The following RICTOR variants were observed in gnomAD, a reference collection of about 807,000 sequenced individuals.
RICTOR encodes rapamycin-insensitive companion of mTOR.
A neutral mutation model predicts 214.9 loss-of-function variants in RICTOR; 49 were observed. That is an observed-to-expected ratio of 0.23 (90% CI 0.18 to 0.29). RICTOR has a LOEUF of 0.29. Ranked by LOEUF, RICTOR falls within the 10% of genes least tolerant of loss-of-function variation. The pLI is 1.00. For synonymous variants in RICTOR, 717 were observed against 711.3 expected (o/e 1.01, Z -0.13); for missense variants, 1,625 against 2,047.0 (o/e 0.79, Z 3.98).
chr5:39,034,103 C>G (rs747686841), intron 2 of RICTOR, among the ~76,000 whole-genome samples: 16 of 152,122 alleles, frequency 1.1e-4, no homozygotes, highest in Admixed American at 2.0e-4. Context: ...CATTCTGTAC[C>G]TTTGGATAAG....
chr5:39,063,618 T>C (rs948925555), intron 2 of RICTOR, among the ~76,000 whole-genome samples: 3 of 152,150 alleles, frequency 2.0e-5, no homozygotes, highest in Non-Finnish European at 4.4e-5. Flanking sequence ...ACAAAGATAA[T>C]TGGCATATGC....
rs1750082538 is a variant in RICTOR at position 38,964,835 on chromosome 5, T to C, written c.1357A>G (p.Met453Val). The C allele has an allele frequency of 6.2e-7, 1 of 1,608,712 alleles. No individual in the cohort carries two copies. Among genetic ancestry groups the C allele is most frequent in the Non-Finnish European group, 8.5e-7 (1 of 1,176,128 alleles). The change falls in exon 16 of 38, where the codon ATG (methionine) becomes GTG (valine). Residue 453 changes from methionine to valine, a missense_variant. Coordinates refer to ENST00000357387, the MANE Select transcript of RICTOR (RefSeq NM_152756.5). ...ATATCAAAGGATGCAGCCATATTCA[T>C]TAGGGTTGGCAAGCAGTGTAAATGA... is the stretch of plus-strand genomic sequence containing the variant. ...SHHLHCLPTLMNMAASFDIPK... is the reference protein window; with the variant it reads ...SHHLHCLPTLVNMAASFDIPK...
chr5:38,947,859 T>TA (rs1228533157), intron 31 of RICTOR, among the ~76,000 whole-genome samples: 2 of 152,100 alleles, frequency 1.3e-5, no homozygotes, highest in Non-Finnish European at 2.9e-5. Flanking sequence ...ATTATATTTA[T>TA]AAAAAATGAG....
At chr5:39,053,532 A>G (rs913050936) in intron 2 of RICTOR, among the ~76,000 whole-genome samples, 1 of 152,250 alleles carries the variant, frequency 6.6e-6, no homozygotes, top group Non-Finnish European at 1.5e-5. Context: ...TTTAGGATCT[A>G]GCACAGTGCC....
At chr5:39,024,641 T>G (rs959906989) in intron 2 of RICTOR, among the ~76,000 whole-genome samples, 9 of 152,192 alleles carry the variant, frequency 5.9e-5, no homozygotes, top group Non-Finnish European at 1.2e-4. Context: ...AATCTAAACA[T>G]TTTACTTCAG....
chr5:39,018,723 C>T (rs1355052661), intron 3 of RICTOR, among the ~76,000 whole-genome samples: 1 of 152,020 alleles, frequency 6.6e-6, no homozygotes, highest in East Asian at 1.9e-4. Flanking sequence ...CTCCTTGGGC[C>T]TATTTCCTGA....
chr5:38,939,648 G>T lies in RICTOR; in HGVS notation c.*2656C>A, dbSNP rs997820121. ...TTCACTTTACGATTAGAAATTCATA[G>T]TTTACAACCAGCACAACTGCCCAGA... On this transcript the variant is annotated 3_prime_UTR_variant, in exon 38 of 38. Coordinates refer to ENST00000357387, the MANE Select transcript of RICTOR (RefSeq NM_152756.5). 9 of 230,490 alleles carry T rather than the reference G, an allele frequency of 3.9e-5. No individual in the cohort carries two copies. Among genetic ancestry groups the T allele is most frequent in the African/African-American group, 6.6e-5 (3 of 45,158 alleles). 14.3% of individuals were successfully genotyped at this position (230,490 alleles called of 1,614,324 possible).
intron 2 of RICTOR, 38 bp from the exon 3 acceptor site, chr5:39,021,174 G>A (rs2150136058): frequency 9.0e-7 from 1 of 1,116,456 alleles, no homozygotes; most frequent in South Asian, 1.2e-5. Context: ...ACAATTTTAT[G>A]AGTATTTTCC....
chr5:38,950,191 A>G lies in RICTOR; in HGVS notation c.3657T>C (p.Ser1219=). 1 of 1,613,350 alleles carries G rather than the reference A, an allele frequency of 6.2e-7. No individual in the cohort carries two copies. Among genetic ancestry groups the G allele is most frequent in the South Asian group, 1.1e-5 (1 of 91,054 alleles). Residue 1219 remains serine, a synonymous_variant, in exon 31 of 38, where the codon AGT becomes AGC. Coordinates refer to ENST00000357387, the MANE Select transcript of RICTOR (RefSeq NM_152756.5). The part of the protein sequence containing the change: ...TSSHMKIRSQ[S]FNTDTTTSGI... ...CACTTGTTGTAGTGTCTGTATTGAA[A>G]CTTTGGCTACGTATCTTCATATGTG...
In RICTOR at chr5:38,959,975, C is replaced by T; in HGVS notation, c.1855G>A (p.Gly619Arg). Reference sequence around the variant, plus strand: ...ACTAGATCTTCTAAGTAGCCTTGCCCATCCTAAAAGTAAATACATTGTGAT... The same window carrying T: ...ACTAGATCTTCTAAGTAGCCTTGCCTATCCTAAAAGTAAATACATTGTGAT... ...TEFLLESEED[G>R]QGYLEDLVKD... The change falls in exon 21 of 38, where the codon GGG (glycine) becomes AGG (arginine). Residue 619 changes from glycine to arginine, a missense_variant. Coordinates refer to ENST00000357387, the MANE Select transcript of RICTOR (RefSeq NM_152756.5). 6.3e-7 allele frequency: 1 copy of T among 1,598,902 alleles called. No homozygotes were observed. The highest frequency in any genetic ancestry group is 8.6e-7 in the Non-Finnish European group (1 of 1,166,832).
intron 2 of RICTOR, among the ~76,000 whole-genome samples, chr5:39,064,615 C>A (rs1173912767): frequency 6.6e-6 from 1 of 152,174 alleles, no homozygotes; most frequent in African/African-American, 2.4e-5. Flanking sequence ...GTGCTTTTCG[C>A]AGTCTTATTC....
intron 3 of RICTOR, among the ~76,000 whole-genome samples, chr5:39,009,324 C>A (rs1754312334): frequency 6.6e-6 from 1 of 152,044 alleles, no homozygotes; most frequent in African/African-American, 2.4e-5. Flanking sequence ...CTAGAGTTAG[C>A]AGTTTTAGTG....
intron 6 of RICTOR, among the ~76,000 whole-genome samples, chr5:38,993,806 A>G (rs1270254104): frequency 2.0e-5 from 3 of 152,176 alleles, no homozygotes; most frequent in Admixed American, 2.0e-4. Context: ...AGCCAGAAGT[A>G]GAAAATTCAG....
At chr5:38,968,980 T>G (rs1579948423) in intron 11 of RICTOR, among the ~76,000 whole-genome samples, 1 of 145,928 alleles carries the variant, frequency 6.9e-6, no homozygotes, top group South Asian at 2.2e-4. Context: ...TTTTTTTTTT[T>G]TTTTTTTTTT....
At chr5:39,021,542 G>A (rs933490471) in intron 2 of RICTOR, among the ~76,000 whole-genome samples, 1 of 152,146 alleles carries the variant, frequency 6.6e-6, no homozygotes, top group Admixed American at 6.6e-5. Flanking sequence ...GTTAGCATGA[G>A]AGTGAGTTTG....
chr5:38,956,970 G>C (rs543251860), intron 25 of RICTOR, among the ~76,000 whole-genome samples: 1 of 152,154 alleles, frequency 6.6e-6, no homozygotes, highest in Admixed American at 6.6e-5. Context: ...ACAAAAAAGA[G>C]AAAACAGGAT....
chr5:39,017,482 C>A (rs1055678967), intron 3 of RICTOR, among the ~76,000 whole-genome samples: 3 of 152,020 alleles, frequency 2.0e-5, no homozygotes, highest in Non-Finnish European at 4.4e-5. Context: ...CTACAAAATA[C>A]ATGCCCATAC....
At chr5:39,008,590 T>C (rs137870979) in intron 3 of RICTOR, among the ~76,000 whole-genome samples, 333 of 152,208 alleles carry the variant, frequency 2.2e-3, no homozygotes, top group African/African-American at 7.7e-3. Context: ...ATTACCATCT[T>C]ATTTCATTTC....
rs1421185361 is a variant in RICTOR at position 38,964,774 on chromosome 5, T to G, written c.1400+18A>C. On this transcript the variant is annotated intron_variant, in intron 16 of 37. Transcript: ENST00000357387. Reference sequence around the variant, plus strand: ...TAAATATATCAAACAAAAGCTTTGCTAAAGCTCTGATACTTACAGTCTCTT... The same window carrying G: ...TAAATATATCAAACAAAAGCTTTGCGAAAGCTCTGATACTTACAGTCTCTT... 9.9e-6 allele frequency: 13 copies of G among 1,318,152 alleles called. No homozygotes were observed. The highest frequency in any genetic ancestry group is 1.4e-5 in the Non-Finnish European group (13 of 932,404). The allele number at this position is 1,318,152 out of a possible 1,614,324, so 81.7% of individuals were successfully genotyped here.
Sources: gnomAD v4.1 joint callset for allele counts (sites outside exome capture counted in the v4.1 genomes callset) on GRCh38, gnomAD v4.1.1 for gene constraint, MANE v1.5 for transcripts, NCBI Gene and HGNC (gene_info 2026-07-23, HGNC 2026-07-21) for gene names.